SHTN1: variants seen among roughly 807,000 people sequenced by gnomAD.
SHTN1 encodes the protein shootin 1.
A neutral mutation model predicts 83.1 loss-of-function variants in SHTN1; 42 were observed. That is an observed-to-expected ratio of 0.51 (90% CI 0.39 to 0.65). The LOEUF (loss-of-function observed/expected upper bound fraction) is 0.65, where lower values mean the gene tolerates loss of function less well. Ranked by LOEUF, SHTN1 falls within the 30% of genes least tolerant of loss-of-function variation. The probability of loss-of-function intolerance (pLI) is 0.00; values close to 1 mark genes in which losing one functional copy is unlikely to be tolerated. For synonymous variants in SHTN1, 224 were observed against 247.7 expected (o/e 0.90, Z 0.90); for missense variants, 622 against 737.8 (o/e 0.84, Z 1.82).
intron 2 of SHTN1, among the ~76,000 whole-genome samples, chr10:116,977,046 A>G (rs1199837137): frequency 6.6e-6 from 1 of 152,192 alleles, no homozygotes; most frequent in Non-Finnish European, 1.5e-5. Context: ...CATTTTACCT[A>G]TAATTCCACT....
chr10:116,948,852 C>T, intron 7 of SHTN1, 64 bp downstream of exon 7: 2 of 1,138,054 alleles, frequency 1.8e-6, no homozygotes, highest in Non-Finnish European at 2.4e-6. Context: ...TAAAATGACA[C>T]ACAATATATG....
At chr10:116,975,800 T>C (rs1850784116) in intron 2 of SHTN1, among the ~76,000 whole-genome samples, 1 of 152,206 alleles carries the variant, frequency 6.6e-6, no homozygotes, top group African/African-American at 2.4e-5. Context: ...TCTATATGTA[T>C]ATATACAAGT....
chr10:116,890,440 C>T (rs557636064), intron 16 of SHTN1, among the ~76,000 whole-genome samples: 6 of 152,282 alleles, frequency 3.9e-5, no homozygotes, highest in African/African-American at 1.4e-4. Flanking sequence ...AACTTGTTAA[C>T]AGCAGACACA....
chr10:117,012,094 G>C (rs146985126), intron 2 of SHTN1, among the ~76,000 whole-genome samples: 1 of 149,370 alleles, frequency 6.7e-6, no homozygotes. Context: ...AGCCGAGATC[G>C]CGCCACTGCA....
chr10:116,967,451 G>A (rs1850435436), intron 3 of SHTN1, among the ~76,000 whole-genome samples: 1 of 152,106 alleles, frequency 6.6e-6, no homozygotes, highest in Admixed American at 6.5e-5. Context: ...AGGTATAAGT[G>A]ACATGTAAAA....
chr10:116,888,745 T>C (rs745471182), intron 16 of SHTN1, among the ~76,000 whole-genome samples: 23 of 152,152 alleles, frequency 1.5e-4, no homozygotes, highest in Non-Finnish European at 3.1e-4. Context: ...AGGAATGTCA[T>C]GCACAAGCTA....
intron 3 of SHTN1, among the ~76,000 whole-genome samples, chr10:116,963,446 G>T (rs1486533731): frequency 6.6e-6 from 1 of 152,016 alleles, no homozygotes; most frequent in African/African-American, 2.4e-5. Flanking sequence ...GCTTGTCTCA[G>T]GATATCCACA....
rs1441133553 is a variant in SHTN1, at chr10:116,968,719, TGA to T, written c.112-9_112-8del. The T allele has an allele frequency of 6.2e-7, 1 of 1,607,170 alleles. No individual in the cohort carries two copies. The highest frequency in any genetic ancestry group is 1.3e-5 in the African/African-American group (1 of 74,742). On this transcript the variant is annotated splice_polypyrimidine_tract_variant and splice_region_variant and intron_variant, in intron 2 of 16. Coordinates refer to ENST00000355371, the MANE Select transcript of SHTN1 (RefSeq NM_001127211.3). ...CTTGCCTAATTTTGTCACACTGAAA[TGA>T]GAGAAGTAAACAAATGTTAAACTTC...
At position 116,881,647 on chromosome 10, in the gene SHTN1, A is replaced by T; in HGVS notation, c.*4697T>A. On this transcript the variant is annotated 3_prime_UTR_variant, in exon 17 of 17. Coordinates refer to ENST00000355371, the MANE Select transcript of SHTN1 (RefSeq NM_001127211.3). ...ACACAAGGTGTAGAGGAATCAGCCG[A>T]AACAGGAGCATCCTCTGGATAGGGC... The T allele has an allele frequency of 6.5e-7, 1 of 1,547,130 alleles. No homozygotes were observed. The highest frequency in any genetic ancestry group is 8.7e-7 in the Non-Finnish European group (1 of 1,145,452).
intron 1 of SHTN1, among the ~76,000 whole-genome samples, chr10:117,083,693 C>T (rs1465494070): frequency 2.6e-5 from 4 of 152,042 alleles, no homozygotes; most frequent in Non-Finnish European, 5.9e-5. Flanking sequence ...TAGATTTGGT[C>T]TTTTCACATA....
intron 2 of SHTN1, among the ~76,000 whole-genome samples, chr10:117,034,735 A>G (rs1280690775): frequency 2.0e-5 from 3 of 152,178 alleles, no homozygotes; most frequent in African/African-American, 4.8e-5. Context: ...CTCACATACA[A>G]TAGCCACAAA....
chr10:117,114,700 C>A (rs1853819359), intron 1 of SHTN1, among the ~76,000 whole-genome samples: 1 of 152,154 alleles, frequency 6.6e-6, no homozygotes, highest in Non-Finnish European at 1.5e-5. Flanking sequence ...CAGTCACTTA[C>A]TAATGGTACC....
At chr10:117,065,733 AAAGAAAGAAAG>A (rs1291239614) in intron 1 of SHTN1, among the ~76,000 whole-genome samples, 769 of 17,196 alleles carry the variant, frequency 0.045, 200 homozygotes, top group Middle Eastern at 0.18. Context: ...GAGATGAAAG[AAAGAAAGAAAG>A]AAAGAAAGAA....
chr10:116,920,031 A>G (rs761500425), intron 12 of SHTN1, among the ~76,000 whole-genome samples: 80 of 152,176 alleles, frequency 5.3e-4, no homozygotes, highest in Non-Finnish European at 9.4e-4. Context: ...AGGGGGAGAG[A>G]GGTGGAAATA....
At chr10:116,900,407 A>C in intron 16 of SHTN1, 1 of 782,094 alleles carries the variant, frequency 1.3e-6, no homozygotes. Context: ...CTGTCAATTC[A>C]ACACATATTT....
chr10:116,893,139 G>C (rs112829167), intron 16 of SHTN1, among the ~76,000 whole-genome samples: 3 of 152,300 alleles, frequency 2.0e-5, no homozygotes, highest in African/African-American at 7.2e-5. Flanking sequence ...TCTGGAGGAA[G>C]TTGCTGTTTG....
intron 1 of SHTN1, among the ~76,000 whole-genome samples, chr10:117,095,054 G>T (rs1853485827): frequency 6.6e-6 from 1 of 152,152 alleles, no homozygotes; most frequent in Non-Finnish European, 1.5e-5. Context: ...GTTTCCACAG[G>T]CCTCCTTCGG....
intron 8 of SHTN1, among the ~76,000 whole-genome samples, chr10:116,941,238 A>G (rs1360059850): frequency 6.6e-6 from 1 of 152,234 alleles, no homozygotes; most frequent in East Asian, 1.9e-4. Context: ...CATCTGGCTA[A>G]GTTCCTCTAC....
intron 1 of SHTN1, among the ~76,000 whole-genome samples, chr10:117,068,894 T>C (rs1218445873): frequency 6.6e-6 from 1 of 152,210 alleles, no homozygotes; most frequent in East Asian, 1.9e-4. Context: ...ATTTCCGCTT[T>C]TGTTTATGTT....
Sources: allele counts gnomAD v4.1 joint callset (sites outside exome capture counted in the v4.1 genomes callset), GRCh38; gene constraint gnomAD v4.1.1; transcripts MANE v1.5; gene names NCBI Gene and HGNC (gene_info 2026-07-23, HGNC 2026-07-21).